The following RBFOX1 variants were observed in gnomAD, a reference collection of about 807,000 sequenced individuals.
RBFOX1 encodes the protein RNA binding protein fox-1 homolog 1.
In RBFOX1, 8 loss-of-function variants were observed where a neutral mutation model predicts 57.7. That is an observed-to-expected ratio of 0.14 (90% CI 0.08 to 0.25). The LOEUF is 0.25. RBFOX1 is among the 10% of genes least tolerant of loss of function. RBFOX1 has a pLI of 1.00. For missense variants in RBFOX1, 611 were observed against 548.5 expected (o/e 1.11, Z -1.14); for synonymous variants, 326 against 222.4 (o/e 1.47, Z -4.15).
chr16:6,016,494 C>T (rs939636564), upstream of RBFOX1, among the ~76,000 whole-genome samples: 4 of 152,064 alleles, frequency 2.6e-5, no homozygotes, highest in Non-Finnish European at 4.4e-5. Flanking sequence ...TAGACCTTAT[C>T]CTGGGGAATA....
At chr16:5,458,473 A>G (rs1276685140) in intron 1 of RBFOX1, among the ~76,000 whole-genome samples, 7 of 152,200 alleles carry the variant, frequency 4.6e-5, no homozygotes, top group East Asian at 3.9e-4. Flanking sequence ...GTGCTGTGCA[A>G]TTTACATGGA....
At chr16:7,271,534 A>G (rs1452315939) in intron 4 of RBFOX1, among the ~76,000 whole-genome samples, 4 of 152,026 alleles carry the variant, frequency 2.6e-5, no homozygotes, top group Non-Finnish European at 4.4e-5. Context: ...TTTTTTAAAG[A>G]TACGTGCATG....
chr16:6,770,313 C>G (rs886460284), intron 3 of RBFOX1, among the ~76,000 whole-genome samples: 1 of 152,084 alleles, frequency 6.6e-6, no homozygotes, highest in African/African-American at 2.4e-5. Flanking sequence ...TGAAACTGTA[C>G]AAATCAAATA....
rs185132334 is a variant in RBFOX1 at position 6,561,956 on chromosome 16, C to G, written c.-63-92647C>G. Reference sequence around the variant, plus strand: ...AAGTCAAGCTAAAGCTAACCACATTCACATCATCCACCTAGATCTGTTATA... The same window carrying G: ...AAGTCAAGCTAAAGCTAACCACATTGACATCATCCACCTAGATCTGTTATA... On this transcript the variant is annotated intron_variant, in intron 2 of 15. Transcript: ENST00000550418. 1.8e-3 allele frequency among the ~76,000 whole-genome samples: 270 copies of G among 152,268 alleles called. 1 individual carries two copies. The highest frequency in any genetic ancestry group is 0.01 in the Middle Eastern group (3 of 294).
intron 3 of RBFOX1, among the ~76,000 whole-genome samples, chr16:6,685,423 G>C (rs76331759): frequency 6.7e-6 from 1 of 148,672 alleles, no homozygotes; most frequent in African/African-American, 2.5e-5. Context: ...TTACAGGCAT[G>C]TGCCACTATA....
At chr16:7,255,579 T>G (rs2094644465) in intron 4 of RBFOX1, among the ~76,000 whole-genome samples, 1 of 152,210 alleles carries the variant, frequency 6.6e-6, no homozygotes, top group African/African-American at 2.4e-5. Flanking sequence ...TAAAGCATGT[T>G]TATATTTGTG....
At chr16:5,616,855 A>G (rs1273361451) in intron 3 of RBFOX1, among the ~76,000 whole-genome samples, 2 of 124,328 alleles carry the variant, frequency 1.6e-5, no homozygotes, top group South Asian at 2.6e-4. Context: ...TTTGCTCCTC[A>G]TCCTCCCTTC....
chr16:6,596,716 C>G (rs909093406), intron 2 of RBFOX1, among the ~76,000 whole-genome samples: 2 of 152,194 alleles, frequency 1.3e-5, no homozygotes, highest in South Asian at 2.1e-4. Context: ...GTCTTTTGAA[C>G]TGTAAGTCTT....
chr16:6,223,842 A>G (rs2097395783), intron 1 of RBFOX1, among the ~76,000 whole-genome samples: 1 of 152,140 alleles, frequency 6.6e-6, no homozygotes, highest in Non-Finnish European at 1.5e-5. Context: ...TAGGTCTAAC[A>G]TTTAAGTCTT....
At chr16:5,785,114 G>T (rs759172380) in intron 3 of RBFOX1, among the ~76,000 whole-genome samples, 3 of 152,124 alleles carry the variant, frequency 2.0e-5, no homozygotes, top group Non-Finnish European at 4.4e-5. Flanking sequence ...TACCTTCCAC[G>T]GATTTATTTT....
chr16:7,423,412 A>G (rs1345463020), intron 4 of RBFOX1, among the ~76,000 whole-genome samples: 1 of 152,100 alleles, frequency 6.6e-6, no homozygotes, highest in East Asian at 1.9e-4. Context: ...AAGCTGTCAT[A>G]CTAAAAGATA....
intron 3 of RBFOX1, among the ~76,000 whole-genome samples, chr16:6,874,709 A>G (rs1006228743): frequency 3.9e-5 from 6 of 151,908 alleles, no homozygotes; most frequent in Non-Finnish European, 7.4e-5. Flanking sequence ...CTCGCTTATA[A>G]GTGGGAGCTA....
chr16:6,784,909 C>G (rs952816638), intron 3 of RBFOX1, among the ~76,000 whole-genome samples: 6 of 152,056 alleles, frequency 3.9e-5, no homozygotes, highest in South Asian at 4.2e-4. Flanking sequence ...TCACCAAGCA[C>G]TCTTCTAAGT....
At chr16:7,449,526 G>A (rs969455383) in intron 4 of RBFOX1, among the ~76,000 whole-genome samples, 2 of 152,056 alleles carry the variant, frequency 1.3e-5, no homozygotes, top group Non-Finnish European at 2.9e-5. Flanking sequence ...CTATCATATT[G>A]CCCTGTTTTG....
intron 4 of RBFOX1, among the ~76,000 whole-genome samples, chr16:7,310,700 A>G (rs2096287099): frequency 6.6e-6 from 1 of 152,210 alleles, no homozygotes; most frequent in African/African-American, 2.4e-5. Flanking sequence ...TGCCCAAACC[A>G]AATAAAACAC....
At chr16:7,487,805 C>T (rs767271673) in intron 4 of RBFOX1, among the ~76,000 whole-genome samples, 3 of 152,088 alleles carry the variant, frequency 2.0e-5, no homozygotes, top group African/African-American at 4.8e-5. Context: ...TCAGTAAGAT[C>T]CTGATAGCTT....
chr16:6,440,604 C>G (rs945590023), intron 2 of RBFOX1, among the ~76,000 whole-genome samples: 4 of 151,998 alleles, frequency 2.6e-5, no homozygotes, highest in Non-Finnish European at 5.9e-5. Context: ...AGATCAAGAT[C>G]ATCCTGGCCA....
At chr16:5,671,774 C>T (rs969487512) in intron 3 of RBFOX1, among the ~76,000 whole-genome samples, 3 of 152,156 alleles carry the variant, frequency 2.0e-5, no homozygotes, top group Non-Finnish European at 4.4e-5. Flanking sequence ...AGGAGACTAT[C>T]CAGTGAATAT....
chr16:7,363,210 T>C (rs2097363989), intron 4 of RBFOX1, among the ~76,000 whole-genome samples: 1 of 152,168 alleles, frequency 6.6e-6, no homozygotes, highest in Non-Finnish European at 1.5e-5. Context: ...GCCTCCATCC[T>C]GAGTTCCTGG....
Sources: allele counts gnomAD v4.1 joint callset (sites outside exome capture counted in the v4.1 genomes callset), GRCh38; gene constraint gnomAD v4.1.1; transcripts MANE v1.5; gene names NCBI Gene and HGNC (gene_info 2026-07-23, HGNC 2026-07-21).